Variants in SLC35F3 observed in about 807,000 individuals in gnomAD.
SLC35F3 encodes solute carrier family 35 member F3.
In SLC35F3, 25 loss-of-function variants were observed where a neutral mutation model predicts 49.9. That is an observed-to-expected ratio of 0.50 (90% CI 0.37 to 0.70). The LOEUF is 0.70. Among genes scored for constraint, SLC35F3 ranks in the 30% least tolerant of loss-of-function variants. The pLI is 0.00. For missense variants in SLC35F3, 525 were observed against 639.8 expected (o/e 0.82, Z 1.94); for synonymous variants, 275 against 265.4 (o/e 1.04, Z -0.35).
chr1:233,904,936 G>A lies in SLC35F3; in HGVS notation c.-142G>A. On this transcript the variant is annotated 5_prime_UTR_variant, in exon 1 of 8. Coordinates refer to ENST00000366618, the MANE Select transcript of SLC35F3 (RefSeq NM_173508.4). ...TACAGACCGCGCGGGCGCGCACAAA[G>A]CGGCCCGGGGCGGCCGGCGCGGCGC... 1.1e-6 allele frequency: 1 copy of A among 897,016 alleles called. No homozygotes were observed. Among genetic ancestry groups the A allele is most frequent in the East Asian group, 3.2e-5 (1 of 31,164 alleles). 55.6% of individuals were successfully genotyped at this position (897,016 alleles called of 1,614,324 possible).
chr1:234,086,741 C>T (rs1389094181), intron 2 of SLC35F3, among the ~76,000 whole-genome samples: 1 of 152,170 alleles, frequency 6.6e-6, no homozygotes, highest in Admixed American at 6.5e-5. Flanking sequence ...AGAAAATCTC[C>T]TCACATGCAT....
chr1:234,106,980 T>C (rs1572054102), intron 2 of SLC35F3, among the ~76,000 whole-genome samples: 2 of 152,374 alleles, frequency 1.3e-5, no homozygotes, highest in Middle Eastern at 3.4e-3. Flanking sequence ...ATCATCTCCA[T>C]TGGCAATATT....
intron 2 of SLC35F3, among the ~76,000 whole-genome samples, chr1:233,961,450 C>CT (rs1662800016): frequency 7.0e-6 from 1 of 142,786 alleles, no homozygotes; most frequent in South Asian, 2.3e-4. Flanking sequence ...TTTTTTTTTT[C>CT]CTCTCTTTTT....
intron 2 of SLC35F3, among the ~76,000 whole-genome samples, chr1:234,006,847 G>C (rs1039892719): frequency 5.9e-5 from 9 of 151,950 alleles, no homozygotes; most frequent in Non-Finnish European, 1.0e-4. Context: ...TCCTCCTGTG[G>C]CTATTCACTT....
At chr1:233,913,585 G>T (rs865884788) in intron 2 of SLC35F3, among the ~76,000 whole-genome samples, 12 of 152,212 alleles carry the variant, frequency 7.9e-5, no homozygotes, top group Non-Finnish European at 1.3e-4. Flanking sequence ...AGTGCACAGA[G>T]TATCTCGATC....
chr1:234,008,419 A>C (rs1663663713), intron 2 of SLC35F3, among the ~76,000 whole-genome samples: 1 of 152,200 alleles, frequency 6.6e-6, no homozygotes, highest in African/African-American at 2.4e-5. Flanking sequence ...CCTAGCCAGA[A>C]GTAGGTCCCT....
chr1:234,273,776 G>T (rs1668150762), intron 3 of SLC35F3, among the ~76,000 whole-genome samples: 1 of 152,132 alleles, frequency 6.6e-6, no homozygotes, highest in African/African-American at 2.4e-5. Context: ...TTCATGAAAT[G>T]ATTTTTAGGA....
At chr1:234,252,558 C>T (rs12406032) in intron 3 of SLC35F3, among the ~76,000 whole-genome samples, 64,092 of 151,936 alleles carry the variant, frequency 0.42, 13,982 homozygotes, top group African/African-American at 0.49. Context: ...GAGAAATGAA[C>T]AAAGGATATA....
intron 2 of SLC35F3, among the ~76,000 whole-genome samples, chr1:234,219,560 T>C (rs1667171828): frequency 6.6e-6 from 1 of 152,238 alleles, no homozygotes; most frequent in South Asian, 2.1e-4. Flanking sequence ...AAAGAATGCA[T>C]GCTGAAATGT....
At chr1:233,961,392 G>A (rs58275168) in intron 2 of SLC35F3, among the ~76,000 whole-genome samples, 82,012 of 150,074 alleles carry the variant, frequency 0.55, 22,535 homozygotes, top group African/African-American at 0.59. Flanking sequence ...GAACACTTGC[G>A]TTTCCACCTC....
intron 2 of SLC35F3, among the ~76,000 whole-genome samples, chr1:233,909,132 C>T (rs565088593): frequency 6.6e-6 from 1 of 152,312 alleles, no homozygotes; most frequent in Non-Finnish European, 1.5e-5. Context: ...AATGGGATTA[C>T]AGGCATGAGC....
intron 2 of SLC35F3, among the ~76,000 whole-genome samples, chr1:233,954,571 A>G (rs1571994873): frequency 6.6e-6 from 1 of 152,342 alleles, no homozygotes; most frequent in East Asian, 1.9e-4. Flanking sequence ...AGGGTGACCC[A>G]TGCAGTGGTT....
intron 3 of SLC35F3, among the ~76,000 whole-genome samples, chr1:234,294,098 A>G (rs182332283): frequency 5.4e-4 from 83 of 152,348 alleles, no homozygotes; most frequent in African/African-American, 1.9e-3. Context: ...ATCTATGCCC[A>G]TGTCTTTAAA....
intron 2 of SLC35F3, among the ~76,000 whole-genome samples, chr1:233,921,865 T>C (rs1379145458): frequency 7.1e-6 from 1 of 140,222 alleles, no homozygotes; most frequent in Non-Finnish European, 1.5e-5. Context: ...CATTGTTCAA[T>C]TCCCACCTGT....
chr1:234,183,589 T>C lies in SLC35F3; in HGVS notation c.284-47828T>C, dbSNP rs1398654872. Among the ~76,000 whole-genome samples the C allele has an allele frequency of 1.4e-5, 2 of 142,826 alleles. 1 individual carries two copies. The highest frequency in any genetic ancestry group is 3.0e-5 in the Non-Finnish European group (2 of 67,032). 93.7% of individuals were successfully genotyped at this position (142,826 alleles called of 152,430 possible). ...TAAATACGTAGCAGGCTGTATCCTTTTTCATTAAACGATACTGTGTCGCTG... is the reference window on the plus strand; with the variant it reads ...TAAATACGTAGCAGGCTGTATCCTTCTTCATTAAACGATACTGTGTCGCTG... On this transcript the variant is annotated intron_variant, in intron 2 of 7. Coordinates refer to ENST00000366618, the MANE Select transcript of SLC35F3 (RefSeq NM_173508.4).
At position 234,218,993 on chromosome 1, in the gene SLC35F3, G is replaced by A. The variant is rs147769591; in HGVS notation, c.284-12424G>A. The stretch of plus-strand genomic sequence containing the variant: ...GAACCCAGGAGGCGGAAGTTGCAGT[G>A]AGCCCAGATCATGCCACTGCACGCC... On this transcript the variant is annotated intron_variant, in intron 2 of 7. Transcript: ENST00000366618. 5.0e-3 allele frequency among the ~76,000 whole-genome samples: 675 copies of A among 135,408 alleles called. 10 individuals are homozygous for A. The highest frequency in any genetic ancestry group is 0.019 in the African/African-American group (638 of 34,324). 88.8% of individuals were successfully genotyped at this position (135,408 alleles called of 152,430 possible). A position where few individuals can be genotyped will look rare whatever the true frequency, so the allele number is the denominator to read the frequency against.
chr1:234,143,288 CTTTT>C (rs1352256091), intron 2 of SLC35F3, among the ~76,000 whole-genome samples: 2 of 123,562 alleles, frequency 1.6e-5, no homozygotes, highest in African/African-American at 3.5e-5. Flanking sequence ...CTTTTCTTTT[CTTTT>C]TTTTTTTTTT....
Position 234,108,155 on chromosome 1 carries a change from A to G in SLC35F3, c.284-123262A>G, listed in dbSNP as rs112703436. On this transcript the variant is annotated intron_variant, in intron 2 of 7. Transcript: ENST00000366618. The stretch of plus-strand genomic sequence containing the variant: ...TATAGTGACCAACCTTGTGCAACAT[A>G]GCGATACCCTGTTTCAAATGGAAGT... 3.1e-3 allele frequency among the ~76,000 whole-genome samples: 451 copies of G among 146,124 alleles called. 2 individuals carry two copies. The highest frequency in any genetic ancestry group is 0.011 in the African/African-American group (434 of 39,700).
At position 233,930,086 on chromosome 1, in the gene SLC35F3, C is replaced by A. The variant is rs1662218143; in HGVS notation, c.283+24328C>A. ...ATCTCTTGAGTTTATGAGTTTGAAG[C>A]CATGATGAGCTATGATTCTGCTATT... On this transcript the variant is annotated intron_variant, in intron 2 of 7. Transcript: ENST00000366618. Among the ~76,000 whole-genome samples, 4 of 151,644 alleles carry A rather than the reference C, an allele frequency of 2.6e-5. No homozygotes were observed. The South Asian group carries it at 8.3e-4, about 32-fold the overall frequency.
Sources: allele counts gnomAD v4.1 joint callset (sites outside exome capture counted in the v4.1 genomes callset), GRCh38; gene constraint gnomAD v4.1.1; transcripts MANE v1.5; gene names NCBI Gene and HGNC (gene_info 2026-07-23, HGNC 2026-07-21).